Variants in DACH1 observed in about 807,000 individuals in gnomAD.
DACH1 encodes dachshund family transcription factor 1, also known as dachshund homolog 1.
DACH1 carries 12 observed loss-of-function variants against 54.2 expected under a neutral mutation model. The ratio of observed to expected loss-of-function variants is 0.22; its 90% CI spans 0.14 to 0.36. The LOEUF (loss-of-function observed/expected upper bound fraction) is 0.36. DACH1 is among the 10% of genes least tolerant of loss of function. The probability of loss-of-function intolerance (pLI) is 1.00; values close to 1 mark genes in which losing one functional copy is unlikely to be tolerated. For missense variants in DACH1, 805 were observed against 929.8 expected (o/e 0.87, Z 1.75); for synonymous variants, 386 against 366.2 (o/e 1.05, Z -0.62).
chr13:71,689,935 T>C (rs1254248280), intron 1 of DACH1, among the ~76,000 whole-genome samples: 1 of 152,160 alleles, frequency 6.6e-6, no homozygotes, highest in East Asian at 1.9e-4. Flanking sequence ...TTAAAATCCA[T>C]TATGTATATT....
intron 1 of DACH1, among the ~76,000 whole-genome samples, chr13:71,814,841 C>T (rs1373414453): frequency 6.6e-6 from 1 of 152,106 alleles, no homozygotes; most frequent in African/African-American, 2.4e-5. Context: ...TCATTTCCAG[C>T]ATTATTGCAA....
intron 1 of DACH1, among the ~76,000 whole-genome samples, chr13:71,772,947 TATA>T (rs1415772145): frequency 6.6e-6 from 1 of 151,826 alleles, no homozygotes; most frequent in Non-Finnish European, 1.5e-5. Context: ...TCGATATAAC[TATA>T]ATAACAAAAT....
At chr13:71,526,258 A>C (rs2138293535) in intron 6 of DACH1, among the ~76,000 whole-genome samples, 1 of 152,274 alleles carries the variant, frequency 6.6e-6, no homozygotes, top group African/African-American at 2.4e-5. Context: ...ATCCTTTTAC[A>C]AATACCATAT....
chr13:71,486,474 TATG>T (rs1174286955), intron 7 of DACH1, among the ~76,000 whole-genome samples: 1 of 152,130 alleles, frequency 6.6e-6, no homozygotes, highest in Admixed American at 6.6e-5. Flanking sequence ...ATACCATTCC[TATG>T]ATAATACCAT....
chr13:71,746,055 TA>T (rs1239316350), intron 1 of DACH1, among the ~76,000 whole-genome samples: 1 of 151,930 alleles, frequency 6.6e-6, no homozygotes, highest in East Asian at 1.9e-4. Context: ...CCCTCTCTAC[TA>T]AAAATACAAA....
Position 71,688,442 on chromosome 13 carries a change from T to A in DACH1, c.849-6532A>T, listed in dbSNP as rs571429109. 7.2e-5 allele frequency among the ~76,000 whole-genome samples: 11 copies of A among 152,320 alleles called. 1 individual carries two copies. In the East Asian group the frequency reaches 1.9e-3, roughly 27 times the overall value. The stretch of plus-strand genomic sequence containing the variant: ...ACATTATTTTCCCTTCTAATGCAAA[T>A]TTTTTCCTATTGCTCGTAAAGCTTT... On this transcript the variant is annotated intron_variant, in intron 1 of 10. Coordinates refer to ENST00000613252, the MANE Select transcript of DACH1 (RefSeq NM_080759.6).
chr13:71,797,429 T>A (rs1887102160), intron 1 of DACH1, among the ~76,000 whole-genome samples: 1 of 152,148 alleles, frequency 6.6e-6, no homozygotes, highest in African/African-American at 2.4e-5. Flanking sequence ...ATGCCTTCCA[T>A]CAAACAGTAC....
At chr13:71,644,418 T>A (rs1215582211) in intron 2 of DACH1, among the ~76,000 whole-genome samples, 1 of 152,204 alleles carries the variant, frequency 6.6e-6, no homozygotes, top group East Asian at 1.9e-4. Flanking sequence ...TACATCCACT[T>A]TTTCAGCTGG....
At chr13:71,505,378 G>A (rs1461687704) in intron 6 of DACH1, among the ~76,000 whole-genome samples, 1 of 152,096 alleles carries the variant, frequency 6.6e-6, no homozygotes, top group Non-Finnish European at 1.5e-5. Flanking sequence ...ACTGCGCCCA[G>A]CCTAAAAATT....
chr13:71,791,749 A>G (rs747783123), intron 1 of DACH1, among the ~76,000 whole-genome samples: 3 of 152,192 alleles, frequency 2.0e-5, no homozygotes, highest in Non-Finnish European at 4.4e-5. Flanking sequence ...TGGGATTATA[A>G]TATTTTGATG....
chr13:71,840,012 T>C (rs1888954178), intron 1 of DACH1, among the ~76,000 whole-genome samples: 1 of 152,196 alleles, frequency 6.6e-6, no homozygotes, highest in Non-Finnish European at 1.5e-5. Flanking sequence ...AGTAGCACGA[T>C]CTTGGCTCAC....
chr13:71,726,809 T>G (rs1185614900), intron 1 of DACH1, among the ~76,000 whole-genome samples: 2 of 152,066 alleles, frequency 1.3e-5, no homozygotes, highest in Non-Finnish European at 2.9e-5. Context: ...AATATATCTC[T>G]TATTAAACAA....
chr13:71,822,163 T>G (rs1888216901), intron 1 of DACH1, among the ~76,000 whole-genome samples: 1 of 152,188 alleles, frequency 6.6e-6, no homozygotes, highest in Non-Finnish European at 1.5e-5. Context: ...AATCTAGTTC[T>G]AAATGTGCTT....
At chr13:71,828,952 A>G (rs1888484164) in intron 1 of DACH1, among the ~76,000 whole-genome samples, 1 of 151,902 alleles carries the variant, frequency 6.6e-6, no homozygotes, top group African/African-American at 2.4e-5. Flanking sequence ...TCCCACAAAA[A>G]TTCACTTAAA....
intron 10 of DACH1, among the ~76,000 whole-genome samples, chr13:71,456,322 G>A (rs1014211751): frequency 7.2e-5 from 11 of 151,964 alleles, no homozygotes; most frequent in Admixed American, 6.6e-4. Flanking sequence ...GTGAAATTCT[G>A]CCCTGGGTCA....
intron 1 of DACH1, among the ~76,000 whole-genome samples, chr13:71,711,050 T>C (rs1163268270): frequency 6.6e-6 from 1 of 152,076 alleles, no homozygotes; most frequent in East Asian, 1.9e-4. Flanking sequence ...TGGTTCTAAG[T>C]AGAAAGAAAA....
chr13:71,549,728 ATTTAC>A (rs1419452992), intron 6 of DACH1, among the ~76,000 whole-genome samples: 1 of 152,104 alleles, frequency 6.6e-6, no homozygotes, highest in Non-Finnish European at 1.5e-5. Flanking sequence ...AACTGTAGTA[ATTTAC>A]TTTACAAGTG....
At chr13:71,516,800 CAGATTGAGCAAAAACATT>C (rs1004874548) in intron 6 of DACH1, among the ~76,000 whole-genome samples, 4 of 151,784 alleles carry the variant, frequency 2.6e-5, no homozygotes, top group African/African-American at 9.7e-5. Context: ...ATCTCCAGAG[CAGATTGAGCAAAAACATT>C]AGAGATTATT....
chr13:71,661,043 T>C (rs987122748), intron 2 of DACH1, among the ~76,000 whole-genome samples: 3 of 149,684 alleles, frequency 2.0e-5, no homozygotes, highest in Admixed American at 6.6e-5. Context: ...CAATCTCATG[T>C]CCTAGACAGG....
Sources: gnomAD v4.1 joint callset for allele counts (sites outside exome capture counted in the v4.1 genomes callset) on GRCh38, gnomAD v4.1.1 for gene constraint, MANE v1.5 for transcripts, NCBI Gene and HGNC (gene_info 2026-07-23, HGNC 2026-07-21) for gene names.